The following SSPN variants were observed in gnomAD, a reference collection of about 807,000 sequenced individuals.
The protein encoded by SSPN is K-ras oncogene-associated protein.
Under a neutral mutation model 19.1 loss-of-function variants are expected in SSPN, and 15 were observed. That is an observed-to-expected ratio of 0.78 (90% CI 0.52 to 1.21). The LOEUF (loss-of-function observed/expected upper bound fraction) is 1.21, where lower values mean the gene tolerates loss of function less well. SSPN is among the 50% of genes most tolerant of loss of function. The probability of loss-of-function intolerance (pLI) is 0.00; values close to 1 mark genes in which losing one functional copy is unlikely to be tolerated. For synonymous variants in SSPN, 147 were observed against 140.3 expected (o/e 1.05, Z -0.34); for missense variants, 291 against 314.0 (o/e 0.93, Z 0.55).
At chr12:26,191,933 A>G (rs12822290), upstream of SSPN, among the ~76,000 whole-genome samples, 1 of 152,232 alleles carries the variant, frequency 6.6e-6, no homozygotes, top group East Asian at 1.9e-4. Context: ...AAATGTAATA[A>G]TTTTTTTCTG....
At chr12:26,198,166 T>TTG (rs1555179294) in intron 1 of SSPN, among the ~76,000 whole-genome samples, 1 of 149,304 alleles carries the variant, frequency 6.7e-6, no homozygotes, top group African/African-American at 2.4e-5. Context: ...CTTTGAGTTT[T>TTG]GGGGGGGGGT....
chr12:26,208,021 G>C (rs111909373), intron 1 of SSPN, among the ~76,000 whole-genome samples: 1,630 of 95,138 alleles, frequency 0.017, 32 homozygotes, highest in African/African-American at 0.069. Context: ...GTGGTGGTGG[G>C]GGGGGGGGAT....
intron 1 of SSPN, among the ~76,000 whole-genome samples, chr12:26,155,562 A>G (rs1944551097): frequency 6.6e-6 from 1 of 152,214 alleles, no homozygotes; most frequent in Admixed American, 6.5e-5. Flanking sequence ...ACTGATGACC[A>G]CTGGTTGGTT....
intron 1 of SSPN, among the ~76,000 whole-genome samples, chr12:26,167,039 G>A (rs1944625292): frequency 1.3e-5 from 2 of 152,130 alleles, no homozygotes. Context: ...GCAATAACTA[G>A]CTACCAATAT....
At chr12:26,208,410 T>G (rs1036361839) in intron 1 of SSPN, among the ~76,000 whole-genome samples, 2 of 152,238 alleles carry the variant, frequency 1.3e-5, no homozygotes, top group Non-Finnish European at 2.9e-5. Context: ...TTCTATCATT[T>G]ATTTATTCAA....
chr12:26,201,155 T>G (rs1301291152), intron 1 of SSPN, among the ~76,000 whole-genome samples: 1 of 150,320 alleles, frequency 6.7e-6, no homozygotes, highest in African/African-American at 2.4e-5. Context: ...GGCAGGCAAA[T>G]TGCATGAGCT....
intron 1 of SSPN, among the ~76,000 whole-genome samples, chr12:26,130,473 G>A (rs1179849269): frequency 6.6e-6 from 1 of 151,990 alleles, no homozygotes; most frequent in African/African-American, 2.4e-5. Flanking sequence ...GCTAAGGAGG[G>A]TTAAATCCAG....
chr12:26,201,011 G>A (rs10599988), intron 1 of SSPN, among the ~76,000 whole-genome samples: 44,026 of 72,960 alleles, frequency 0.6, 12,384 homozygotes, highest in Non-Finnish European at 0.65. Context: ...GTTAATTTGT[G>A]TATATATATA....
At chr12:26,122,052 C>A in exon 1 of SSPN, 1 of 1,549,274 alleles carries the variant, frequency 6.5e-7, no homozygotes, top group East Asian at 2.5e-5. Context: ...CTCCGTCCTT[C>A]GGGACGCAAG....
intron 1 of SSPN, chr12:26,125,088 G>A: frequency 2.4e-6 from 1 of 422,806 alleles, no homozygotes; most frequent in East Asian, 4.9e-5. Context: ...CTCACGTGCG[G>A]AACGTACCAT....
intron 1 of SSPN, among the ~76,000 whole-genome samples, chr12:26,126,813 G>A (rs1474738251): frequency 6.6e-6 from 1 of 152,216 alleles, no homozygotes; most frequent in Non-Finnish European, 1.5e-5. Context: ...AAGGTCTCTC[G>A]ACTTCCTCAA....
At chr12:26,153,353 A>G (rs1000852896) in intron 1 of SSPN, among the ~76,000 whole-genome samples, 15 of 152,200 alleles carry the variant, frequency 9.9e-5, no homozygotes, top group African/African-American at 3.1e-4. Context: ...TTGAAGTATT[A>G]TTATAATCTT....
chr12:26,137,405 G>A (rs892399266), intron 1 of SSPN, among the ~76,000 whole-genome samples: 2 of 152,000 alleles, frequency 1.3e-5, no homozygotes, highest in Non-Finnish European at 2.9e-5. Flanking sequence ...TGGCTTTGGG[G>A]TCTGAAACTG....
intron 1 of SSPN, among the ~76,000 whole-genome samples, chr12:26,196,584 G>C (rs904913095): frequency 6.6e-6 from 1 of 152,184 alleles, no homozygotes; most frequent in Non-Finnish European, 1.5e-5. Flanking sequence ...TGGATGTACT[G>C]TTCTAAGTTG....
chr12:26,124,363 A>T (rs1271056440), intron 1 of SSPN, among the ~76,000 whole-genome samples: 1 of 147,868 alleles, frequency 6.8e-6, no homozygotes, highest in East Asian at 2.0e-4. Context: ...ATGATGTTTA[A>T]TATCCCCCTG....
chr12:26,166,176 A>T (rs1260227011), intron 1 of SSPN, among the ~76,000 whole-genome samples: 2 of 152,126 alleles, frequency 1.3e-5, no homozygotes, highest in African/African-American at 4.8e-5. Context: ...AATGTAGATG[A>T]CGGTTGATGA....
chr12:26,156,613 C>T lies in SSPN; in HGVS notation c.-31+34461C>T, dbSNP rs551222208. Among the ~76,000 whole-genome samples, 21 of 152,246 alleles carry T rather than the reference C, an allele frequency of 1.4e-4. No homozygotes were observed. In the South Asian group the frequency reaches 1.7e-3, roughly 12 times the overall value. On this transcript the variant is annotated intron_variant, in intron 1 of 2. Coordinates refer to the SSPN transcript ENST00000538142. ...CCTGGAATGTTCACTGACAGTGAAA[C>T]GTGATGTGGAGAAACCCCTGACAAT...
intron 1 of SSPN, among the ~76,000 whole-genome samples, chr12:26,164,224 A>G (rs1044045542): frequency 2.6e-5 from 4 of 152,250 alleles, no homozygotes; most frequent in African/African-American, 9.6e-5. Flanking sequence ...ACCAACCTGC[A>G]TATGAATCAT....
intron 1 of SSPN, among the ~76,000 whole-genome samples, chr12:26,161,819 C>T (rs777489740): frequency 7.2e-5 from 11 of 152,168 alleles, no homozygotes; most frequent in African/African-American, 9.7e-5. Context: ...CTAGATTCCT[C>T]GCATGCGCAG....
Sources: allele counts gnomAD v4.1 joint callset (sites outside exome capture counted in the v4.1 genomes callset), GRCh38; gene constraint gnomAD v4.1.1; transcripts MANE v1.5; gene names NCBI Gene and HGNC (gene_info 2026-07-23, HGNC 2026-07-21).